Variants in FMN1 observed in about 807,000 individuals in gnomAD.
FMN1 encodes formin 1, also known as formin-1.
A neutral mutation model predicts 132.4 loss-of-function variants in FMN1; 110 were observed. The ratio of observed to expected loss-of-function variants is 0.83; its 90% CI spans 0.71 to 0.97. The LOEUF (loss-of-function observed/expected upper bound fraction) is 0.97. FMN1 is among the 50% of genes least tolerant of loss of function. The probability of loss-of-function intolerance (pLI) is 0.00; values close to 1 mark genes in which losing one functional copy is unlikely to be tolerated. For synonymous variants in FMN1, 722 were observed against 651.7 expected, an observed-to-expected ratio of 1.11 and a Z score of -1.64; for missense variants, 1,792 against 1,705.3, an observed-to-expected ratio of 1.05 and a Z score of -0.90.
At chr15:33,069,692 A>G (rs1370886873) in intron 5 of FMN1, among the ~76,000 whole-genome samples, 1 of 152,222 alleles carries the variant, frequency 6.6e-6, no homozygotes, top group African/African-American at 2.4e-5. Flanking sequence ...ATAAAAACGC[A>G]TCATTGCATC....
chr15:32,989,004 A>G (rs530208573), intron 7 of FMN1, among the ~76,000 whole-genome samples: 1 of 152,346 alleles, frequency 6.6e-6, no homozygotes, highest in African/African-American at 2.4e-5. Flanking sequence ...CTCCCAGCAG[A>G]AAGTCATAAA....
intron 17 of FMN1, among the ~76,000 whole-genome samples, chr15:32,813,826 C>A (rs1258799): frequency 0.38 from 57,938 of 152,118 alleles, 11,735 homozygotes; most frequent in Non-Finnish European, 0.45. Context: ...AGAATCCAGG[C>A]CTTTTGACTA....
chr15:33,039,253 G>A (rs938533103), intron 6 of FMN1, among the ~76,000 whole-genome samples: 1 of 152,118 alleles, frequency 6.6e-6, no homozygotes, highest in Admixed American at 6.6e-5. Context: ...GGTAGAATTC[G>A]AAAGATAAAG....
chr15:33,005,026 C>T (rs1221683656), intron 7 of FMN1, among the ~76,000 whole-genome samples: 1 of 152,026 alleles, frequency 6.6e-6, no homozygotes, highest in Non-Finnish European at 1.5e-5. Flanking sequence ...ACATCACACA[C>T]CAGGGACTGT....
intron 2 of FMN1, among the ~76,000 whole-genome samples, chr15:33,182,049 G>A (rs1244448459): frequency 1.3e-5 from 2 of 152,132 alleles, no homozygotes; most frequent in Admixed American, 1.3e-4. Context: ...ACTGCTCTAT[G>A]GAAAATAGAT....
chr15:33,104,725 G>A (rs1347137097), intron 4 of FMN1, among the ~76,000 whole-genome samples: 2 of 152,070 alleles, frequency 1.3e-5, no homozygotes, highest in Admixed American at 6.6e-5. Flanking sequence ...CAAGGATTGT[G>A]TGAATTAACT....
intron 8 of FMN1, among the ~76,000 whole-genome samples, chr15:32,967,807 C>T (rs528678481): frequency 2.0e-5 from 3 of 152,298 alleles, no homozygotes; most frequent in Admixed American, 6.5e-5. Context: ...TCCTGCCTTG[C>T]CTAAGCAAAG....
chr15:32,766,665 G>C lies in FMN1; in HGVS notation c.*7645C>G, dbSNP rs16958537. Reference sequence around the variant, plus strand: ...TAACAAGAGGCAGTCACAGCAGTGTGTCTCACATGGGCTCCTTGGTGACAG... The same window carrying C: ...TAACAAGAGGCAGTCACAGCAGTGTCTCTCACATGGGCTCCTTGGTGACAG... On this transcript the variant is annotated 3_prime_UTR_variant, in exon 21 of 21. Transcript: ENST00000616417. 20,671 of 151,834 alleles carry C rather than the reference G, an allele frequency of 0.14. 1,480 individuals carry two copies. The highest frequency in any genetic ancestry group is 0.18 in the Middle Eastern group (54 of 294). 9.4% of individuals were successfully genotyped at this position (151,834 alleles called of 1,614,324 possible).
intron 6 of FMN1, among the ~76,000 whole-genome samples, chr15:33,047,801 T>C (rs1012282812): frequency 1.3e-5 from 2 of 152,172 alleles, no homozygotes; most frequent in African/African-American, 4.8e-5. Context: ...CTGCTTATTA[T>C]ATTAGGCTGT....
intron 4 of FMN1, among the ~76,000 whole-genome samples, chr15:33,111,643 T>A (rs1276607114): frequency 1.3e-5 from 2 of 152,152 alleles, no homozygotes; most frequent in Non-Finnish European, 2.9e-5. Flanking sequence ...ATCTTTTGCC[T>A]ATAAAAAAAT....
chr15:33,140,110 G>C (rs1963944060), intron 4 of FMN1, among the ~76,000 whole-genome samples: 1 of 150,986 alleles, frequency 6.6e-6, no homozygotes, highest in Non-Finnish European at 1.5e-5. Flanking sequence ...CCACTAAGCA[G>C]CAATATCCCT....
chr15:32,822,650 C>T (rs1280337980), intron 17 of FMN1, among the ~76,000 whole-genome samples: 1 of 152,126 alleles, frequency 6.6e-6, no homozygotes, highest in African/African-American at 2.4e-5. Context: ...TTCATTGCCT[C>T]TGTTGGCTCT....
In FMN1 at chr15:32,964,154, T is replaced by C. The variant is rs1377537984; in HGVS notation, c.3091A>G (p.Lys1031Glu). Reference sequence around the variant, plus strand: ...TCATAAGTCTCTGACAGAGGTTTTTTCTTCTGTTGAGTTGTGTCTTTGGAG... The same window carrying C: ...TCATAAGTCTCTGACAGAGGTTTTTCCTTCTGTTGAGTTGTGTCTTTGGAG... ...LFSKDTTQQK[K>E]KPLSETYEKK... The change falls in exon 9 of 21, where the codon AAA becomes GAA. Residue 1031 changes from lysine to glutamate, a missense_variant. Physicochemically the swap from Lys to Glu is moderately conservative, Grantham distance 56. Transcript: ENST00000616417. 8.7e-6 allele frequency: 14 copies of C among 1,613,408 alleles called. No homozygotes were observed. Among genetic ancestry groups the C allele is most frequent in the Non-Finnish European group, 1.1e-5 (13 of 1,179,602 alleles).
chr15:32,872,060 G>T (rs1460565479), intron 16 of FMN1, among the ~76,000 whole-genome samples: 1 of 150,878 alleles, frequency 6.6e-6, no homozygotes, highest in African/African-American at 2.4e-5. Context: ...TTTTTGAAAG[G>T]CCCTAATGTG....
rs774106707 is a variant in FMN1, at chr15:32,776,846, T to C, written c.4204A>G (p.Thr1402Ala). The C allele has an allele frequency of 5.5e-5, 87 of 1,583,520 alleles. 1 individual carries two copies. The Middle Eastern group carries it at 6.6e-4, about 12-fold the overall frequency. ...KKVETKKINP[T>A]ASLKERLRQK... is the part of the protein sequence containing the mutation. Reference sequence around the variant, plus strand: ...AAAATATATCTCACCAGGCTAGCAGTGGGATTGATTTTCTTTGTCTCCACT... The same window carrying C: ...AAAATATATCTCACCAGGCTAGCAGCGGGATTGATTTTCTTTGTCTCCACT... The change falls in exon 20 of 21, where the codon ACT (threonine) becomes GCT (alanine). Residue 1402 changes from threonine (T) to alanine (A), a missense_variant. Physicochemically the swap from Thr to Ala is moderately conservative, Grantham distance 58 (BLOSUM62 0). This residue lies in a region of FMN1 where 1,150 missense variants were observed against 1,043.1 expected (regional missense o/e 1.10). Transcript: ENST00000616417.
intron 9 of FMN1, among the ~76,000 whole-genome samples, chr15:32,937,006 A>G (rs79993067): frequency 0.063 from 9,599 of 152,210 alleles, 425 homozygotes; most frequent in Middle Eastern, 0.15. Context: ...GACAGAAATC[A>G]GTCTCTTGGG....
intron 7 of FMN1, among the ~76,000 whole-genome samples, chr15:32,983,152 T>G (rs1029096966): frequency 6.6e-6 from 1 of 152,098 alleles, no homozygotes; most frequent in Non-Finnish European, 1.5e-5. Flanking sequence ...CTGCGGAAAG[T>G]GCACCAAGTA....
intron 16 of FMN1, among the ~76,000 whole-genome samples, chr15:32,878,521 T>G (rs2059690078): frequency 6.6e-6 from 1 of 152,150 alleles, no homozygotes; most frequent in African/African-American, 2.4e-5. Flanking sequence ...AGACACTTTT[T>G]GAAGTTAAGA....
intron 15 of FMN1, among the ~76,000 whole-genome samples, chr15:32,894,061 C>A (rs932371807): frequency 2.0e-5 from 3 of 152,240 alleles, no homozygotes; most frequent in Non-Finnish European, 4.4e-5. Context: ...GCCTTCCTCA[C>A]TCCACCAGAA....
Sources: gnomAD v4.1 joint callset for allele counts (sites outside exome capture counted in the v4.1 genomes callset) on GRCh38, gnomAD v4.1.1 for gene constraint, gnomAD v4.1.1 regional missense constraint, MANE v1.5 for transcripts, NCBI Gene and HGNC (gene_info 2026-07-23, HGNC 2026-07-21) for gene names.